The following LRRTM4 variants were observed in gnomAD, a reference collection of about 807,000 sequenced individuals.
The protein encoded by LRRTM4 is leucine-rich repeat transmembrane neuronal protein 4.
A neutral mutation model predicts 47.6 loss-of-function variants in LRRTM4; 25 were observed. The ratio of observed to expected loss-of-function variants is 0.53; its 90% CI spans 0.38 to 0.73. LRRTM4 has a LOEUF of 0.73. Among genes scored for constraint, LRRTM4 ranks in the 30% least tolerant of loss-of-function variants. The pLI is 0.00. For synonymous variants in LRRTM4, 311 were observed against 269.5 expected, an observed-to-expected ratio of 1.15 and a Z score of -1.51; for missense variants, 638 against 713.4, an observed-to-expected ratio of 0.89 and a Z score of 1.20.
intron 3 of LRRTM4, among the ~76,000 whole-genome samples, chr2:76,904,288 T>C (rs76487115): frequency 0.072 from 10,927 of 152,224 alleles, 861 homozygotes; most frequent in African/African-American, 0.19. Flanking sequence ...AGAACCACGT[T>C]TTTTAAAGAG....
At chr2:76,942,489 A>C in intron 3 of LRRTM4, among the ~76,000 whole-genome samples, 1 of 108,504 alleles carries the variant, frequency 9.2e-6, no homozygotes, top group Admixed American at 1.1e-4. Flanking sequence ...TTCTGTGCTA[A>C]CATTTTTTTT....
chr2:77,385,380 C>G (rs905222147), intron 3 of LRRTM4, among the ~76,000 whole-genome samples: 14 of 152,126 alleles, frequency 9.2e-5, no homozygotes, highest in African/African-American at 3.1e-4. Flanking sequence ...TACTGTGGTT[C>G]CAAAGGGATT....
intron 3 of LRRTM4, among the ~76,000 whole-genome samples, chr2:77,081,702 C>T (rs144657657): frequency 2.0e-5 from 3 of 152,180 alleles, no homozygotes; most frequent in Non-Finnish European, 4.4e-5. Flanking sequence ...AGTTAGGAAA[C>T]GTATTCTGGA....
chr2:76,941,094 A>C (rs890218433), intron 3 of LRRTM4, among the ~76,000 whole-genome samples: 3 of 152,206 alleles, frequency 2.0e-5, no homozygotes, highest in African/African-American at 7.2e-5. Context: ...ATGAAAATGA[A>C]GGTGAGACAC....
At chr2:77,163,707 C>G (rs1035853974) in intron 3 of LRRTM4, among the ~76,000 whole-genome samples, 3 of 152,128 alleles carry the variant, frequency 2.0e-5, no homozygotes, top group Non-Finnish European at 4.4e-5. Context: ...TCGAGCCAAA[C>G]TAAGCTTCAT....
intron 3 of LRRTM4, among the ~76,000 whole-genome samples, chr2:77,475,386 A>C (rs4853312): frequency 6.6e-6 from 1 of 151,852 alleles, no homozygotes. Context: ...TTTATAACTC[A>C]TTTTATATTG....
At chr2:77,079,148 G>A (rs1680444892) in intron 3 of LRRTM4, among the ~76,000 whole-genome samples, 2 of 152,168 alleles carry the variant, frequency 1.3e-5, no homozygotes, top group Admixed American at 6.5e-5. Flanking sequence ...GACACTACAA[G>A]TAAAAAGAAA....
chr2:77,362,121 G>GAAAGAAAGA lies in LRRTM4; in HGVS notation c.1551+156188_1551+156196dup, dbSNP rs1558707219. Among the ~76,000 whole-genome samples the GAAAGAAAGA allele has an allele frequency of 5.4e-5, 6 of 112,064 alleles. 1 individual carries two copies. In the South Asian group the frequency reaches 1.9e-3, roughly 35 times the overall value. 73.5% of individuals were successfully genotyped at this position (112,064 alleles called of 152,430 possible). ...AAAAGGAAAGAAAGAAAGAGAGAAA[G>GAAAGAAAGA]AAAGAAAGAAAGAAAGAAAGAAAGA... On this transcript the variant is annotated intron_variant, in intron 3 of 3. Coordinates refer to ENST00000409884, the MANE Select transcript of LRRTM4 (RefSeq NM_001134745.3).
chr2:76,974,480 T>A (rs1264112000), intron 3 of LRRTM4, among the ~76,000 whole-genome samples: 1 of 151,052 alleles, frequency 6.6e-6, no homozygotes, highest in African/African-American at 2.4e-5. Context: ...ACTAAACTCC[T>A]ACTATCTATA....
rs376109859 is a variant in LRRTM4 at position 77,444,533 on chromosome 2, A to T, written c.1551+73785T>A. ...AGATAGAAGAAGATATGGTAGAGGC[A>T]TGTGATGTGGTTCTCCTTGCTTGTA... On this transcript the variant is annotated intron_variant, in intron 3 of 3. Coordinates refer to ENST00000409884, the MANE Select transcript of LRRTM4 (RefSeq NM_001134745.3). 1.7e-4 allele frequency among the ~76,000 whole-genome samples: 26 copies of T among 152,234 alleles called. No homozygotes were observed. In the East Asian group the frequency reaches 2.5e-3, roughly 15 times the overall value.
intron 3 of LRRTM4, among the ~76,000 whole-genome samples, chr2:77,106,548 A>G (rs1206240130): frequency 6.6e-6 from 1 of 152,188 alleles, no homozygotes; most frequent in Non-Finnish European, 1.5e-5. Context: ...TATTAAAAAA[A>G]AACTTAATGA....
At chr2:77,121,833 G>C (rs75981030) in intron 3 of LRRTM4, among the ~76,000 whole-genome samples, 3,367 of 151,908 alleles carry the variant, frequency 0.022, 129 homozygotes, top group African/African-American at 0.076. Context: ...CAATGATTTA[G>C]ACCACTGTGT....
intron 3 of LRRTM4, among the ~76,000 whole-genome samples, chr2:77,238,449 A>C (rs73943636): frequency 6.6e-6 from 1 of 152,040 alleles, no homozygotes; most frequent in South Asian, 2.1e-4. Context: ...TCAAAGACAC[A>C]GGCATACCGT....
At chr2:77,013,323 G>A (rs917473630) in intron 3 of LRRTM4, among the ~76,000 whole-genome samples, 4 of 152,170 alleles carry the variant, frequency 2.6e-5, no homozygotes, top group Admixed American at 2.6e-4. Flanking sequence ...CAAAGGCAGG[G>A]ACGGAGAAAG....
chr2:77,128,381 T>C (rs966259296), intron 3 of LRRTM4, among the ~76,000 whole-genome samples: 8 of 130,492 alleles, frequency 6.1e-5, no homozygotes, highest in Non-Finnish European at 1.1e-4. Context: ...GGCCAAAATT[T>C]TGAAATTCTG....
chr2:77,518,156 C>T, intron 3 of LRRTM4, 162 bp downstream of exon 3: 3 of 1,271,858 alleles, frequency 2.4e-6, no homozygotes, highest in Non-Finnish European at 3.0e-6. Flanking sequence ...CAGTCAATTT[C>T]CTGGTGGTTG....
At chr2:76,903,217 A>T (rs1163894053) in intron 3 of LRRTM4, among the ~76,000 whole-genome samples, 2 of 151,996 alleles carry the variant, frequency 1.3e-5, no homozygotes, top group African/African-American at 4.8e-5. Flanking sequence ...TAAAACAAAC[A>T]AATAAAAATA....
At chr2:77,370,935 C>T (rs1672634541) in intron 3 of LRRTM4, among the ~76,000 whole-genome samples, 1 of 151,538 alleles carries the variant, frequency 6.6e-6, no homozygotes. Context: ...CCATAGGCCC[C>T]TCATTAATAT....
At chr2:76,982,230 C>T (rs1177107646) in intron 3 of LRRTM4, among the ~76,000 whole-genome samples, 1 of 151,926 alleles carries the variant, frequency 6.6e-6, no homozygotes, top group African/African-American at 2.4e-5. Flanking sequence ...CATTTGAATA[C>T]AGAAAAAGTA....
Sources: gnomAD v4.1 joint callset for allele counts (sites outside exome capture counted in the v4.1 genomes callset) on GRCh38, gnomAD v4.1.1 for gene constraint, MANE v1.5 for transcripts, NCBI Gene and HGNC (gene_info 2026-07-23, HGNC 2026-07-21) for gene names.